ACOXL: variants seen among roughly 807,000 people sequenced by gnomAD.
The protein encoded by ACOXL is acyl-coenzyme A oxidase-like protein.
In ACOXL, 70 loss-of-function variants were observed where a neutral mutation model predicts 71.9. That is an observed-to-expected ratio of 0.97 (90% CI 0.80 to 1.19). The LOEUF (loss-of-function observed/expected upper bound fraction) is 1.19, where lower values mean the gene tolerates loss of function less well. ACOXL is among the 50% of genes most tolerant of loss of function. ACOXL has a pLI of 0.00. For synonymous variants in ACOXL, 253 were observed against 281.6 expected (o/e 0.90, Z 1.02); for missense variants, 703 against 736.3 (o/e 0.95, Z 0.52).
chr2:111,090,333 C>T (rs373730894), intron 16 of ACOXL, among the ~76,000 whole-genome samples: 8 of 152,200 alleles, frequency 5.3e-5, no homozygotes, highest in African/African-American at 1.9e-4. Context: ...TGCCTCTTAA[C>T]ACACTGAGCT....
At chr2:110,868,600 TTTTTTCAAA>T (rs1694897252) in intron 10 of ACOXL, among the ~76,000 whole-genome samples, 1 of 152,084 alleles carries the variant, frequency 6.6e-6, no homozygotes. Context: ...ATTTCTTTTC[TTTTTTCAAA>T]ACAGTGCCTC....
At chr2:110,911,440 A>G (rs1426162954) in intron 11 of ACOXL, among the ~76,000 whole-genome samples, 3 of 152,080 alleles carry the variant, frequency 2.0e-5, no homozygotes, top group Non-Finnish European at 2.9e-5. Flanking sequence ...GAGCAATATC[A>G]CTTATGAATA....
rs116236247 is a variant in ACOXL, at chr2:110,980,419, T to C, written c.1060-6689T>C. Among the ~76,000 whole-genome samples the C allele has an allele frequency of 7.0e-3, 1,059 of 152,030 alleles. 18 individuals carry two copies. The highest frequency in any genetic ancestry group is 0.024 in the African/African-American group (1,015 of 41,458). Reference sequence around the variant, plus strand: ...ACTGATGTCATGTGGTGCAGGTGTGTGGGATGGGAAGCGAAGGGAAGAAGA... The same window carrying C: ...ACTGATGTCATGTGGTGCAGGTGTGCGGGATGGGAAGCGAAGGGAAGAAGA... On this transcript the variant is annotated intron_variant, in intron 12 of 17. Transcript: ENST00000439055.
chr2:110,856,221 G>T (rs770934800), intron 10 of ACOXL, among the ~76,000 whole-genome samples: 1 of 152,072 alleles, frequency 6.6e-6, no homozygotes, highest in African/African-American at 2.4e-5. Context: ...GTCCCCACTC[G>T]ACCCAGGAAA....
chr2:111,082,724 C>T (rs2067991940), intron 16 of ACOXL, among the ~76,000 whole-genome samples: 1 of 152,156 alleles, frequency 6.6e-6, no homozygotes, highest in South Asian at 2.1e-4. Flanking sequence ...ACTATAAAGA[C>T]ACATGCACAC....
chr2:110,736,472 A>C (rs1676855722), intron 1 of ACOXL, among the ~76,000 whole-genome samples: 1 of 152,084 alleles, frequency 6.6e-6, no homozygotes, highest in African/African-American at 2.4e-5. Flanking sequence ...AAGTGGATTC[A>C]TTTAGAATTT....
At chr2:111,031,025 G>A (rs764174941) in intron 14 of ACOXL, among the ~76,000 whole-genome samples, 1 of 152,188 alleles carries the variant, frequency 6.6e-6, no homozygotes, top group Non-Finnish European at 1.5e-5. Context: ...CTTCATTAGA[G>A]TGATTGAAAG....
chr2:111,011,215 T>C (rs2064135989), intron 14 of ACOXL, among the ~76,000 whole-genome samples: 1 of 152,114 alleles, frequency 6.6e-6, no homozygotes, highest in African/African-American at 2.4e-5. Flanking sequence ...ATATATGAAG[T>C]AGTATCATAT....
At chr2:110,930,364 A>G (rs2060435076) in intron 11 of ACOXL, among the ~76,000 whole-genome samples, 3 of 152,182 alleles carry the variant, frequency 2.0e-5, no homozygotes, top group South Asian at 2.1e-4. Flanking sequence ...GAACAGCTGT[A>G]TTTACCCAAT....
At chr2:110,974,721 C>T (rs539719937) in intron 12 of ACOXL, among the ~76,000 whole-genome samples, 1 of 152,264 alleles carries the variant, frequency 6.6e-6, no homozygotes, top group South Asian at 2.1e-4. Flanking sequence ...GCTTCTGTTG[C>T]AGAGACCTCT....
rs752974563 is a variant in ACOXL at position 110,905,418 on chromosome 2, G to A, written c.789-3371G>A. Among the ~76,000 whole-genome samples the A allele has an allele frequency of 3.9e-4, 59 of 152,178 alleles. 2 individuals are homozygous for A. Among genetic ancestry groups the A allele is most frequent in the Non-Finnish European group, 4.4e-5 (3 of 68,040 alleles). On this transcript the variant is annotated intron_variant, in intron 10 of 17. Coordinates refer to ENST00000439055, the MANE Select transcript of ACOXL (RefSeq NM_001142807.4). ...TGGAACACTCAAGTCAAGCTATAGC[G>A]GACTCTTGAATGCCAAGCTGAGGCG...
chr2:110,952,687 A>G (rs558630870), intron 12 of ACOXL, among the ~76,000 whole-genome samples: 2 of 152,212 alleles, frequency 1.3e-5, no homozygotes, highest in East Asian at 3.9e-4. Context: ...GGCTAAAATG[A>G]TCCTCCTGCT....
intron 12 of ACOXL, among the ~76,000 whole-genome samples, chr2:110,963,411 C>T (rs534076051): frequency 4.2e-4 from 64 of 152,112 alleles, no homozygotes; most frequent in African/African-American, 1.5e-3. Flanking sequence ...AAATAATATT[C>T]GTGAACTAAA....
intron 10 of ACOXL, among the ~76,000 whole-genome samples, chr2:110,905,797 AG>A (rs1316989265): frequency 6.6e-6 from 1 of 152,164 alleles, no homozygotes; most frequent in African/African-American, 2.4e-5. Context: ...TTTTAAAGAA[AG>A]TCTGGACATT....
intron 10 of ACOXL, among the ~76,000 whole-genome samples, chr2:110,885,892 G>C (rs969849797): frequency 1.3e-5 from 2 of 152,160 alleles, no homozygotes; most frequent in Non-Finnish European, 2.9e-5. Flanking sequence ...GTATATCTGA[G>C]TGTCTATACA....
chr2:111,042,619 GA>G (rs1275649720), intron 15 of ACOXL, among the ~76,000 whole-genome samples: 1 of 152,226 alleles, frequency 6.6e-6, no homozygotes, highest in Non-Finnish European at 1.5e-5. Context: ...GAAAGGCCAA[GA>G]AACAATATTG....
At chr2:111,114,885 A>G (rs1385382333) in intron 17 of ACOXL, among the ~76,000 whole-genome samples, 2 of 151,812 alleles carry the variant, frequency 1.3e-5, no homozygotes, top group East Asian at 1.9e-4. Context: ...TCCCAAATAT[A>G]CATATTAATA....
chr2:110,989,013 A>C (rs12105551), intron 13 of ACOXL, among the ~76,000 whole-genome samples: 7,255 of 152,086 alleles, frequency 0.048, 586 homozygotes, highest in African/African-American at 0.16. Flanking sequence ...GATTGAGATA[A>C]ATTCATTAAT....
intron 10 of ACOXL, among the ~76,000 whole-genome samples, chr2:110,891,384 C>T (rs570577080): frequency 2.6e-5 from 4 of 151,918 alleles, no homozygotes; most frequent in African/African-American, 9.6e-5. Flanking sequence ...TTTTTTCCAT[C>T]ATTTTACTTT....
Sources: gnomAD v4.1 joint callset for allele counts (sites outside exome capture counted in the v4.1 genomes callset) on GRCh38, gnomAD v4.1.1 for gene constraint, MANE v1.5 for transcripts, NCBI Gene and HGNC (gene_info 2026-07-23, HGNC 2026-07-21) for gene names.